The following EIF4G3 variants were observed in gnomAD, a reference collection of about 807,000 sequenced individuals.
EIF4G3 encodes eIF-4-gamma 3.
Under a neutral mutation model 186.4 loss-of-function variants are expected in EIF4G3, and 34 were observed. That is an observed-to-expected ratio of 0.18 (90% CI 0.14 to 0.24). The LOEUF (loss-of-function observed/expected upper bound fraction) is 0.24, where lower values mean the gene tolerates loss of function less well. Among genes scored for constraint, EIF4G3 ranks in the 10% least tolerant of loss-of-function variants. The pLI is 1.00. For synonymous variants in EIF4G3, 673 were observed against 679.5 expected (o/e 0.99, Z 0.15); for missense variants, 1,536 against 1,948.5 (o/e 0.79, Z 3.99).
intron 2 of EIF4G3, among the ~76,000 whole-genome samples, chr1:21,125,765 T>TACAC (rs1212580615): frequency 2.0e-4 from 24 of 122,730 alleles, no homozygotes; most frequent in African/African-American, 7.7e-4. Flanking sequence ...TTTTTTTATA[T>TACAC]ATATATACAC....
intron 30 of EIF4G3, among the ~76,000 whole-genome samples, chr1:20,831,970 G>GGT (rs1344292738): frequency 3.2e-5 from 4 of 126,586 alleles, no homozygotes; most frequent in Admixed American, 8.6e-5. Context: ...AGTATTCCAT[G>GGT]GTGTATATGT....
intron 25 of EIF4G3, among the ~76,000 whole-genome samples, chr1:20,856,861 C>T (rs1435293543): frequency 1.3e-5 from 2 of 152,040 alleles, no homozygotes; most frequent in Non-Finnish European, 2.9e-5. Context: ...TTTAGTAAAT[C>T]CTTATAGAAG....
intron 7 of EIF4G3, among the ~76,000 whole-genome samples, chr1:20,993,989 TG>T: frequency 6.6e-6 from 1 of 152,340 alleles, no homozygotes; most frequent in South Asian, 2.1e-4. Context: ...GAGAAGATAC[TG>T]TGAAATACAG....
chr1:20,943,762 A>G (rs753306432), intron 13 of EIF4G3, among the ~76,000 whole-genome samples: 4 of 152,240 alleles, frequency 2.6e-5, no homozygotes, highest in Non-Finnish European at 5.9e-5. Context: ...ATTACCATTA[A>G]GATATTATTA....
intron 4 of EIF4G3, among the ~76,000 whole-genome samples, chr1:21,017,541 T>C (rs530282565): frequency 2.2e-5 from 3 of 139,312 alleles, no homozygotes; most frequent in South Asian, 2.3e-4. Context: ...GGCAGGAGAA[T>C]GGCGTGAACC....
intron 3 of EIF4G3, among the ~76,000 whole-genome samples, chr1:21,055,999 G>A (rs988478709): frequency 3.9e-5 from 6 of 152,058 alleles, no homozygotes; most frequent in African/African-American, 1.4e-4. Context: ...CTATTATATT[G>A]CCCCATAAAA....
chr1:21,166,847 T>C (rs1210822612), intron 2 of EIF4G3, among the ~76,000 whole-genome samples: 1 of 152,102 alleles, frequency 6.6e-6, no homozygotes, highest in Non-Finnish European at 1.5e-5. Flanking sequence ...AGCAGTGCAA[T>C]CATGGCTCAC....
chr1:21,152,334 C>G (rs2097564361), intron 2 of EIF4G3, among the ~76,000 whole-genome samples: 1 of 1,220 alleles, frequency 8.2e-4, no homozygotes, highest in Non-Finnish European at 6.0e-3. Context: ...GAGACCCTGT[C>G]TCTACAAAAA....
intron 30 of EIF4G3, among the ~76,000 whole-genome samples, chr1:20,830,885 A>T (rs1179436279): frequency 6.6e-6 from 1 of 152,156 alleles, no homozygotes; most frequent in African/African-American, 2.4e-5. Context: ...CAGTTCTTAA[A>T]TCCTGTTGCA....
intron 7 of EIF4G3, 159 bp from the exon 8 acceptor site, chr1:20,982,567 G>A (rs2078526434): frequency 1.9e-6 from 1 of 523,788 alleles, no homozygotes. Context: ...AAATCAGAAT[G>A]ACAGTTCTTC....
At chr1:20,816,489 A>T (rs1196269452) in intron 34 of EIF4G3, among the ~76,000 whole-genome samples, 24 of 49,810 alleles carry the variant, frequency 4.8e-4, no homozygotes, top group East Asian at 7.8e-4. Context: ...TCCGGGAGGG[A>T]GGTGGGGGGG....
intron 34 of EIF4G3, among the ~76,000 whole-genome samples, chr1:20,814,934 T>C (rs1467830698): frequency 1.4e-4 from 13 of 96,272 alleles, no homozygotes; most frequent in East Asian, 3.4e-4. Context: ...AGGCGCGCGC[T>C]GCCACGCCTG....
chr1:20,926,466 G>A (rs975502931), intron 14 of EIF4G3, among the ~76,000 whole-genome samples: 3 of 152,144 alleles, frequency 2.0e-5, no homozygotes, highest in African/African-American at 7.2e-5. Flanking sequence ...GACTGCTTGA[G>A]GCCAGGAGTT....
chr1:21,131,189 A>G (rs557835771), intron 2 of EIF4G3, among the ~76,000 whole-genome samples: 15 of 151,458 alleles, frequency 9.9e-5, no homozygotes, highest in African/African-American at 3.6e-4. Flanking sequence ...GCAGTGAGTC[A>G]AGATCATGCC....
chr1:20,943,799 A>G (rs2095810530), intron 13 of EIF4G3, among the ~76,000 whole-genome samples: 1 of 152,248 alleles, frequency 6.6e-6, no homozygotes. Context: ...GACACTTATT[A>G]GCCTTAAAAT....
intron 4 of EIF4G3, among the ~76,000 whole-genome samples, chr1:21,014,197 A>C (rs1174754076): frequency 6.6e-6 from 1 of 152,182 alleles, no homozygotes; most frequent in East Asian, 1.9e-4. Context: ...GTTGTTCTGA[A>C]AGAATTATCA....
In EIF4G3 at chr1:21,154,561, T is replaced by C. The variant is rs573376221; in HGVS notation, c.-272+21614A>G. Among the ~76,000 whole-genome samples, 3 of 152,328 alleles carry C rather than the reference T, an allele frequency of 2.0e-5. No homozygotes were observed. In the South Asian group the frequency reaches 6.2e-4, roughly 32 times the overall value. On this transcript the variant is annotated intron_variant, in intron 2 of 36. Transcript: ENST00000602326. ...TCCGCTCCAAATATATTTTTCAAAGTTTTGGTTTCCAGTGAAAGACTAAAC... is the reference window on the plus strand; with the variant it reads ...TCCGCTCCAAATATATTTTTCAAAGCTTTGGTTTCCAGTGAAAGACTAAAC...
chr1:21,132,807 G>C (rs925677261), intron 2 of EIF4G3, among the ~76,000 whole-genome samples: 5 of 152,076 alleles, frequency 3.3e-5, no homozygotes, highest in Non-Finnish European at 7.3e-5. Context: ...TTTGGAGACA[G>C]GGTCTTGCTC....
At chr1:20,987,682 T>A (rs2079898355) in intron 7 of EIF4G3, among the ~76,000 whole-genome samples, 6 of 152,200 alleles carry the variant, frequency 3.9e-5, no homozygotes, top group Admixed American at 3.9e-4. Flanking sequence ...ACCTACTGTC[T>A]GTTGTCCCCC....
Sources: allele counts gnomAD v4.1 joint callset (sites outside exome capture counted in the v4.1 genomes callset), GRCh38; gene constraint gnomAD v4.1.1; transcripts MANE v1.5; gene names NCBI Gene and HGNC (gene_info 2026-07-23, HGNC 2026-07-21).